ZBED6: variants seen among roughly 807,000 people sequenced by gnomAD.
ZBED6 encodes zinc finger BED domain-containing protein 6.
A neutral mutation model predicts 58.4 loss-of-function variants in ZBED6; 40 were observed. The observed-to-expected ratio is 0.68, with a 90% CI of 0.53 to 0.89. ZBED6 has a LOEUF of 0.89. Among genes scored for constraint, ZBED6 ranks in the 40% least tolerant of loss-of-function variants. The pLI, the probability that ZBED6 is intolerant of heterozygous loss-of-function variation, is 0.00. For missense variants in ZBED6, 1,057 were observed against 1,003.9 expected (o/e 1.05, Z -0.71); for synonymous variants, 439 against 350.6 (o/e 1.25, Z -2.82).
chr1:203,818,433 C>A, intron 2 of ZBED6, 137 bp from the exon 3 acceptor site: 2 of 1,143,376 alleles, frequency 1.7e-6, no homozygotes, highest in Non-Finnish European at 2.5e-6. Context: ...CCTGTCATTC[C>A]ATGTCCATTG....
exon 1 of ZBED6, chr1:203,798,852 T>G (rs1043139444): frequency 1.3e-6 from 2 of 1,536,020 alleles, no homozygotes; most frequent in African/African-American, 1.4e-5. Context: ...GGCCCCTGAT[T>G]ATAGGTTGCC....
At chr1:203,797,891 C>A (rs768828298) in exon 1 of ZBED6, 2 of 1,535,972 alleles carry the variant, frequency 1.3e-6, no homozygotes, top group African/African-American at 2.7e-5. Flanking sequence ...AAAAACAGAT[C>A]TATCTACCTA....
chr1:203,798,810 A>G (rs1224677293), exon 1 of ZBED6: 5 of 1,536,010 alleles, frequency 3.3e-6, no homozygotes, highest in Non-Finnish European at 4.4e-6. Flanking sequence ...CTATTTCTCA[A>G]CCCCAGCCTT....
intron 1 of ZBED6, among the ~76,000 whole-genome samples, chr1:203,807,968 C>T (rs1672951306): frequency 6.6e-6 from 1 of 152,034 alleles, no homozygotes; most frequent in South Asian, 2.1e-4. Flanking sequence ...TCTTGAACTC[C>T]TGGGTTCAAG....
chr1:203,800,217 A>C, exon 1 of ZBED6: 1 of 1,460,198 alleles, frequency 6.8e-7, no homozygotes, highest in Non-Finnish European at 9.3e-7. Flanking sequence ...GCCGGCTTTG[A>C]CCCAGGTTGC....
chr1:203,840,605 A>ATTATTTAT (rs534962124), intron 11 of ZBED6, among the ~76,000 whole-genome samples: 8,547 of 147,642 alleles, frequency 0.058, 323 homozygotes, highest in Non-Finnish European at 0.07. Flanking sequence ...ATAGTAGGAA[A>ATTATTTAT]TTATTTATTT....
rs12086293 is a variant in ZBED6, at chr1:203,848,421, T to G, written c.*4322+14T>G. On this transcript the variant is annotated intron_variant, in intron 13 of 16. Transcript: ENST00000550078. ...GAAGCTAAAGAGGTAAATTTAAGAT[T>G]ATTGTATGGTTTTGTTCATGGCAAA... The G allele has an allele frequency of 6.3e-7, 1 of 1,594,518 alleles. No homozygotes were observed. Among genetic ancestry groups the G allele is most frequent in the Admixed American group, 1.8e-5 (1 of 57,020 alleles).
intron 8 of ZBED6, among the ~76,000 whole-genome samples, chr1:203,832,339 G>C (rs1292717436): frequency 6.6e-6 from 1 of 152,002 alleles, no homozygotes; most frequent in East Asian, 1.9e-4. Context: ...GGGATTACAG[G>C]TGTGAGCCAC....
intron 9 of ZBED6, 186 bp downstream of exon 9, chr1:203,834,039 T>A: frequency 7.9e-7 from 1 of 1,261,596 alleles, no homozygotes; most frequent in Non-Finnish European, 1.0e-6. Flanking sequence ...AGATTTAAAG[T>A]GTTACAATTG....
chr1:203,829,219 G>T (rs6665955), intron 4 of ZBED6: 561,801 of 565,868 alleles, frequency 0.99, 278,995 homozygotes, highest in East Asian at 1. Flanking sequence ...GTCTTCTGTT[G>T]ATTCTGTTTT....
chr1:203,834,550 G>A (rs2103094190), intron 9 of ZBED6, among the ~76,000 whole-genome samples: 1 of 152,310 alleles, frequency 6.6e-6, no homozygotes, highest in African/African-American at 2.4e-5. Flanking sequence ...GCAATTACAG[G>A]CATGAGATAC....
chr1:203,850,346 T>C, intron 14 of ZBED6, 169 bp from the exon 15 acceptor site: 1 of 955,770 alleles, frequency 1.0e-6, no homozygotes, highest in Non-Finnish European at 1.6e-6. Context: ...CCACCTGTAG[T>C]GACCACCATG....
At chr1:203,801,140 G>C (rs1670440729) in exon 1 of ZBED6, 1 of 152,064 alleles carries the variant, frequency 6.6e-6, no homozygotes, top group Non-Finnish European at 1.5e-5. Context: ...AGATTGTGTA[G>C]GTACTTTCAA....
chr1:203,797,713 G>A (rs1204766869), exon 1 of ZBED6: 1 of 1,534,924 alleles, frequency 6.5e-7, no homozygotes, highest in East Asian at 2.4e-5. Flanking sequence ...AAAAAGAAAA[G>A]AAAGAAGGGT....
At chr1:203,844,938 C>T (rs1687481363) in intron 11 of ZBED6, among the ~76,000 whole-genome samples, 1 of 152,048 alleles carries the variant, frequency 6.6e-6, no homozygotes, top group Non-Finnish European at 1.5e-5. Context: ...GCAAACTTGC[C>T]TCTTTTTAGG....
exon 10 of ZBED6, chr1:203,838,038 C>T (rs1684922302): frequency 1.9e-6 from 3 of 1,614,186 alleles, no homozygotes; most frequent in Non-Finnish European, 2.5e-6. Flanking sequence ...GCTCCAGAAA[C>T]TAACATTGAC....
intron 15 of ZBED6, 86 bp downstream of exon 15, chr1:203,850,767 A>G: frequency 1.3e-6 from 2 of 1,510,250 alleles, no homozygotes; most frequent in South Asian, 2.4e-5. Flanking sequence ...TTCTATCTTG[A>G]GTATATCACT....
intron 3 of ZBED6, among the ~76,000 whole-genome samples, chr1:203,824,074 G>C (rs1679668880): frequency 2.0e-5 from 3 of 152,024 alleles, no homozygotes; most frequent in Non-Finnish European, 4.4e-5. Context: ...TTTGAGACCA[G>C]CTGGCCAACA....
intron 9 of ZBED6, 135 bp from the exon 10 acceptor site, chr1:203,837,831 A>T: frequency 1.3e-6 from 1 of 777,196 alleles, no homozygotes; most frequent in East Asian, 2.7e-5. Flanking sequence ...AACTCTAAGG[A>T]AGCTGGTGAA....
Sources: allele counts gnomAD v4.1 joint callset (sites outside exome capture counted in the v4.1 genomes callset), GRCh38; gene constraint gnomAD v4.1.1; transcripts MANE v1.5; gene names NCBI Gene and HGNC (gene_info 2026-07-23, HGNC 2026-07-21).